Variants in CRCP observed in about 807,000 individuals in gnomAD.
CRCP encodes the protein CGRP receptor component, also known as DNA-directed RNA polymerase III subunit RPC9.
In CRCP, 18 loss-of-function variants were observed where a neutral mutation model predicts 18.5. The ratio of observed to expected loss-of-function variants is 0.97; its 90% CI spans 0.67 to 1.44. The LOEUF is 1.44. Ranked by LOEUF, CRCP falls within the 40% of genes most tolerant of loss-of-function variation. The pLI is 0.00. For synonymous variants in CRCP, 53 were observed against 62.9 expected, an observed-to-expected ratio of 0.84 and a Z score of 0.75; for missense variants, 130 against 176.4, an observed-to-expected ratio of 0.74 and a Z score of 1.49.
chr7:66,118,122 C>G (rs530761943), intron 1 of CRCP, among the ~76,000 whole-genome samples: 5 of 152,178 alleles, frequency 3.3e-5, no homozygotes. Context: ...GGATTACAGG[C>G]GTGTGCCACC....
At chr7:66,122,704 A>G (rs1562759498) in intron 1 of CRCP, among the ~76,000 whole-genome samples, 1 of 152,040 alleles carries the variant, frequency 6.6e-6, no homozygotes. Context: ...AGCACCAGAC[A>G]CTGGGTGGCT....
Position 66,152,637 on chromosome 7 carries a change from C to T in CRCP, c.*280C>T, listed in dbSNP as rs1364783066. ...TGAAAGATTTCCTCCACGGCCTTTGCCCCAGTTGTGGGGAGGTCTCTGTGC... is the reference window on the plus strand; with the variant it reads ...TGAAAGATTTCCTCCACGGCCTTTGTCCCAGTTGTGGGGAGGTCTCTGTGC... On this transcript the variant is annotated 3_prime_UTR_variant, in exon 6 of 6. Coordinates refer to ENST00000395326, the MANE Select transcript of CRCP (RefSeq NM_014478.5). The T allele has an allele frequency of 5.2e-6, 2 of 383,828 alleles. No homozygotes were observed. Among genetic ancestry groups the T allele is most frequent in the African/African-American group, 2.1e-5 (1 of 48,342 alleles). 23.8% of individuals were successfully genotyped at this position (383,828 alleles called of 1,614,324 possible). A position where few individuals can be genotyped will look rare whatever the true frequency, so the allele number is the denominator to read the frequency against.
intron 1 of CRCP, among the ~76,000 whole-genome samples, chr7:66,125,896 T>C (rs559992839): frequency 6.7e-6 from 1 of 149,320 alleles, no homozygotes; most frequent in Admixed American, 6.7e-5. Context: ...CAGGGAGTTA[T>C]AACTCAATTT....
rs577871886 is a variant in CRCP at position 66,154,359 on chromosome 7, T to C, written c.*2002T>C. 4 of 152,104 alleles carry C rather than the reference T, an allele frequency of 2.6e-5. No homozygotes were observed. The East Asian group carries it at 7.8e-4, about 30-fold the overall frequency. 9.4% of individuals were successfully genotyped at this position (152,104 alleles called of 1,614,324 possible). ...ACCCTGCTAAAATTTGTATTTTTAG[T>C]AGAGACAGGGTTTTGCCATATTGGC... On this transcript the variant is annotated 3_prime_UTR_variant, in exon 6 of 6. Transcript: ENST00000395326.
intron 4 of CRCP, among the ~76,000 whole-genome samples, chr7:66,140,618 C>T (rs1339614627): frequency 6.6e-6 from 1 of 152,164 alleles, no homozygotes; most frequent in Non-Finnish European, 1.5e-5. Context: ...TCTCGAACTC[C>T]TGACCTCAGG....
intron 3 of CRCP, among the ~76,000 whole-genome samples, chr7:66,133,520 G>A (rs561720061): frequency 1.3e-5 from 2 of 150,048 alleles, no homozygotes; most frequent in South Asian, 4.2e-4. Context: ...CTCCAGCCTG[G>A]GTGACAGTGA....
intron 4 of CRCP, among the ~76,000 whole-genome samples, chr7:66,140,635 G>T (rs961856310): frequency 4.6e-5 from 7 of 151,994 alleles, no homozygotes; most frequent in South Asian, 2.1e-4. Flanking sequence ...CAGGTGATTC[G>T]CCGCCTCAGC....
chr7:66,115,147 TGCCCTTCCGAACC>T, intron 1 of CRCP, among the ~76,000 whole-genome samples, 177 bp downstream of exon 1: 1 of 152,158 alleles, frequency 6.6e-6, no homozygotes, highest in African/African-American at 2.4e-5. Context: ...ACTCTCGCTT[TGCCCTTCCGAACC>T]TTCGCTTCCC....
At chr7:66,144,782 G>A (rs140891683) in intron 4 of CRCP, among the ~76,000 whole-genome samples, 73 of 152,288 alleles carry the variant, frequency 4.8e-4, no homozygotes, top group African/African-American at 1.7e-3. Flanking sequence ...CTGGCCTAAG[G>A]TGATTTTGTT....
intron 1 of CRCP, among the ~76,000 whole-genome samples, chr7:66,116,878 T>C (rs573741426): frequency 5.6e-4 from 85 of 152,228 alleles, no homozygotes; most frequent in African/African-American, 1.9e-3. Flanking sequence ...CGCAGCACTT[T>C]AGGAGGCCGA....
In CRCP at chr7:66,129,109, G is replaced by A. The variant is rs192338187; in HGVS notation, c.45+1369G>A. ...AGTACTTTGGGAGGCCGAGGCGGGC[G>A]GATCACGAGGTCAGGAGATCAAGAA... On this transcript the variant is annotated intron_variant, in intron 2 of 5. Transcript: ENST00000395326. Among the ~76,000 whole-genome samples, 1,248 of 152,208 alleles carry A rather than the reference G, an allele frequency of 8.2e-3. 22 individuals carry two copies. Among genetic ancestry groups the A allele is most frequent in the Non-Finnish European group, 7.0e-3 (473 of 68,012 alleles).
intron 4 of CRCP, among the ~76,000 whole-genome samples, chr7:66,141,206 A>G (rs1788126196): frequency 6.6e-6 from 1 of 152,010 alleles, no homozygotes; most frequent in African/African-American, 2.4e-5. Context: ...CTCTTGTTAT[A>G]TTTGTGAGCA....
rs1342710718 is a variant in CRCP, at chr7:66,152,464, C to T, written c.*107C>T. On this transcript the variant is annotated 3_prime_UTR_variant, in exon 6 of 6. Transcript: ENST00000395326. ...GATTTTTATCCTCATCCCAGCAGGC[C>T]TGGCTTTGTGGTTAGTTGGGTACAT... 7.6e-7 allele frequency: 1 copy of T among 1,321,948 alleles called. No homozygotes were observed. Among genetic ancestry groups the T allele is most frequent in the Admixed American group, 2.3e-5 (1 of 44,362 alleles). The allele number at this position is 1,321,948 out of a possible 1,614,324, so 81.9% of individuals were successfully genotyped here.
rs567500418 is a variant in CRCP at position 66,146,040 on chromosome 7, G to A, written c.297+540G>A. On this transcript the variant is annotated intron_variant, in intron 5 of 5. Coordinates refer to ENST00000395326, the MANE Select transcript of CRCP (RefSeq NM_014478.5). Reference sequence around the variant, plus strand: ...CCCAAGTTCTGTTGCTTCTGTCTTCGTTCTTGCTTCTCTCCCCCGTGTACT... The same window carrying A: ...CCCAAGTTCTGTTGCTTCTGTCTTCATTCTTGCTTCTCTCCCCCGTGTACT... 1.1e-4 allele frequency among the ~76,000 whole-genome samples: 16 copies of A among 152,112 alleles called. No individual in the cohort carries two copies. The East Asian group carries it at 2.5e-3, about 24-fold the overall frequency.
At chr7:66,122,825 T>A (rs930728778) in intron 1 of CRCP, among the ~76,000 whole-genome samples, 2 of 152,204 alleles carry the variant, frequency 1.3e-5, no homozygotes, top group Non-Finnish European at 2.9e-5. Context: ...AACTTCTTGA[T>A]ATGTTCTCAC....
rs188774342 is a variant in CRCP at position 66,120,050 on chromosome 7, C to T, written c.8+5080C>T. Among the ~76,000 whole-genome samples, 328 of 151,854 alleles carry T rather than the reference C, an allele frequency of 2.2e-3. 2 individuals are homozygous for T. The highest frequency in any genetic ancestry group is 7.7e-3 in the African/African-American group (318 of 41,474). On this transcript the variant is annotated intron_variant, in intron 1 of 5. Coordinates refer to ENST00000395326, the MANE Select transcript of CRCP (RefSeq NM_014478.5). ...AGAAAAAATTAGCTGGGCGCTGTGG[C>T]GGGCGCCCGTAGTCCCAGCTACTAT... is the stretch of plus-strand genomic sequence containing the variant.
At position 66,152,072 on chromosome 7, in the gene CRCP, G is replaced by C. The variant is rs548081975; in HGVS notation, c.298-136G>C. 6.4e-5 allele frequency: 56 copies of C among 868,300 alleles called. 1 individual carries two copies. In the African/African-American group the frequency reaches 8.4e-4, roughly 13 times the overall value. 53.8% of individuals were successfully genotyped at this position (868,300 alleles called of 1,614,324 possible). On this transcript the variant is annotated intron_variant, in intron 5 of 5. Coordinates refer to ENST00000395326, the MANE Select transcript of CRCP (RefSeq NM_014478.5). ...GCTCCACCCTTCCGTCTGTAAGATG[G>C]AGAGGACTCACGAGGACCCAGGCTG...
In CRCP at chr7:66,125,497, A is replaced by C. The variant is rs1464727037; in HGVS notation, c.9-2207A>C. Among the ~76,000 whole-genome samples the C allele has an allele frequency of 1.3e-5, 2 of 149,608 alleles. 1 individual carries two copies. The highest frequency in any genetic ancestry group is 1.3e-4 in the Admixed American group (2 of 14,992). ...TCCTGATAAAATCAATGAATAAATCAGCTTCTGTCAGCCAGAGTCTGTTAC... is the reference window on the plus strand; with the variant it reads ...TCCTGATAAAATCAATGAATAAATCCGCTTCTGTCAGCCAGAGTCTGTTAC... On this transcript the variant is annotated intron_variant, in intron 1 of 5. Coordinates refer to ENST00000395326, the MANE Select transcript of CRCP (RefSeq NM_014478.5).
chr7:66,149,594 T>C (rs1788394617), intron 5 of CRCP, among the ~76,000 whole-genome samples: 1 of 152,204 alleles, frequency 6.6e-6, no homozygotes, highest in African/African-American at 2.4e-5. Context: ...CTAAGTTCAC[T>C]AACGGCCGGA....
Sources: gnomAD v4.1 joint callset for allele counts (sites outside exome capture counted in the v4.1 genomes callset) on GRCh38, gnomAD v4.1.1 for gene constraint, MANE v1.5 for transcripts, NCBI Gene and HGNC (gene_info 2026-07-23, HGNC 2026-07-21) for gene names.